The following TET3 variants were observed in gnomAD, a reference collection of about 807,000 sequenced individuals.
TET3 encodes tet methylcytosine dioxygenase 3, also known as methylcytosine dioxygenase TET3.
A neutral mutation model predicts 141.4 loss-of-function variants in TET3; 19 were observed. The observed-to-expected ratio is 0.13, with a 90% CI of 0.09 to 0.20. The LOEUF (loss-of-function observed/expected upper bound fraction) is 0.20. Ranked by LOEUF, TET3 falls within the 10% of genes least tolerant of loss-of-function variation. TET3 has a pLI of 1.00. For synonymous variants in TET3, 1,043 were observed against 980.9 expected (o/e 1.06, Z -1.18); for missense variants, 1,874 against 2,356.9 (o/e 0.80, Z 4.24).
At chr2:74,048,482 C>A in intron 4 of TET3, 71 bp downstream of exon 4, 2 of 1,463,954 alleles carry the variant, frequency 1.4e-6, no homozygotes, top group Non-Finnish European at 1.8e-6. Flanking sequence ...TTTCTAGGCC[C>A]TGCCTTTCAT....
At chr2:74,120,611 G>C in the TET3 span, 1 of 152,516 alleles carries the variant, frequency 6.6e-6, no homozygotes, top group African/African-American at 2.4e-5. Flanking sequence ...AAGGAGCGGG[G>C]CGGCGGCCAC....
In TET3 at chr2:74,046,779, G is replaced by A; in HGVS notation, c.862G>A (p.Gly288Arg). The A allele has an allele frequency of 6.2e-7, 1 of 1,613,538 alleles. No homozygotes were observed. ...ECPDYLEWLEGKIKSVVMEGG... is the reference protein window; with the variant it reads ...ECPDYLEWLERKIKSVVMEGG... ...CCCTGACTACCTCGAGTGGCTGGAGGGGAAGATCAAGTCTGTGGTCATGGA... is the reference window on the plus strand; with the variant it reads ...CCCTGACTACCTCGAGTGGCTGGAGAGGAAGATCAAGTCTGTGGTCATGGA... The change falls in exon 4 of 12, where the codon GGG becomes AGG. Residue 288 changes from glycine to arginine, a missense_variant. Physicochemically the swap from Gly to Arg is moderately radical, Grantham distance 125 (BLOSUM62 -2). Coordinates refer to ENST00000409262, the MANE Select transcript of TET3 (RefSeq NM_001287491.2). The surrounding 1 kb of genome is among the most constrained non-coding windows in gnomAD (Gnocchi z 4.3).
At chr2:74,053,479 G>A (rs1184053638) in intron 4 of TET3, among the ~76,000 whole-genome samples, 9 of 152,220 alleles carry the variant, frequency 5.9e-5, no homozygotes, top group Admixed American at 2.6e-4. Flanking sequence ...GTTTGTAAGC[G>A]TTGTCCTGAT....
intron 5 of TET3, among the ~76,000 whole-genome samples, chr2:74,074,615 C>T (rs538179418): frequency 3.3e-5 from 5 of 152,210 alleles, no homozygotes; most frequent in Non-Finnish European, 7.3e-5. Context: ...CCTGGCCCTG[C>T]CACTCACTGC....
In TET3 at chr2:74,091,856, C is replaced by T. The variant is rs866745489; in HGVS notation, c.3040-1046C>T. On this transcript the variant is annotated intron_variant, in intron 8 of 11. Transcript: ENST00000409262. ...ACCTGGAACTCTCTGCCACATGTCA[C>T]CAGGGGCTGCTGCTTCACATAGAGC... is the stretch of plus-strand genomic sequence containing the variant. Among the ~76,000 whole-genome samples the T allele has an allele frequency of 3.3e-4, 51 of 152,330 alleles. No individual in the cohort carries two copies. In the Middle Eastern group the frequency reaches 0.031, roughly 91 times the overall value.
Position 74,092,927 on chromosome 2 carries a change from A to G in TET3, c.3065A>G (p.Gln1022Arg). ...GAAGAAGTGCTCCGGAAGAGTTTCC[A>G]GGACCTGGCCACCGAAGTCGCTCCC... is the stretch of plus-strand genomic sequence containing the variant. ...KEEEVLRKSFQDLATEVAPLY... is the reference protein window; with the variant it reads ...KEEEVLRKSFRDLATEVAPLY... Residue 1022 changes from glutamine to arginine, a missense_variant, in exon 9 of 12, where the codon CAG becomes CGG. This residue lies in a region of TET3 where 126 missense variants were observed against 327.4 expected (regional missense o/e 0.38). Transcript: ENST00000409262. The G allele has an allele frequency of 6.3e-7, 1 of 1,591,854 alleles. No individual in the cohort carries two copies. The highest frequency in any genetic ancestry group is 8.6e-7 in the Non-Finnish European group (1 of 1,169,372).
chr2:73,997,663 G>A (rs1263186265), intron 2 of TET3, among the ~76,000 whole-genome samples: 1 of 152,216 alleles, frequency 6.6e-6, no homozygotes, highest in Admixed American at 6.5e-5. Flanking sequence ...AGTTTCCCGA[G>A]GCAGGACATC....
At chr2:73,997,532 G>T (rs1684655270) in intron 2 of TET3, among the ~76,000 whole-genome samples, 1 of 152,156 alleles carries the variant, frequency 6.6e-6, no homozygotes, top group African/African-American at 2.4e-5. Flanking sequence ...GGGCCAGTGG[G>T]AGAAGAGCTG....
rs1691234862 is a variant in TET3 at position 74,101,780 on chromosome 2, C to T, written c.4992C>T (p.Leu1664=). The stretch of plus-strand genomic sequence containing the variant: ...TGGCCCCAGCCCACGGCTCCATCCT[C>T]ATCGAGTGTGCCCGGCGGGAGCTGC... ...VAVAPAHGSI[L]IECARRELHA... is the part of the protein sequence containing the mutation. The change falls in exon 12 of 12, where the codon CTC becomes CTT. Residue 1664 remains leucine, a synonymous_variant. Coordinates refer to ENST00000409262, the MANE Select transcript of TET3 (RefSeq NM_001287491.2). The surrounding 1 kb of genome is among the most constrained non-coding windows in gnomAD (Gnocchi z 8.5). 3 of 1,613,174 alleles carry T rather than the reference C, an allele frequency of 1.9e-6. No homozygotes were observed. The highest frequency in any genetic ancestry group is 2.5e-6 in the Non-Finnish European group (3 of 1,179,870).
At chr2:74,033,722 A>C (rs1686875414) in intron 3 of TET3, among the ~76,000 whole-genome samples, 1 of 152,252 alleles carries the variant, frequency 6.6e-6, no homozygotes, top group African/African-American at 2.4e-5. Context: ...AAATGTGTAC[A>C]TACCTTAATT....
At chr2:73,995,790 G>GA (rs1243209569) in intron 2 of TET3, among the ~76,000 whole-genome samples, 1 of 152,152 alleles carries the variant, frequency 6.6e-6, no homozygotes, top group Non-Finnish European at 1.5e-5. Flanking sequence ...TTAGGTTGGG[G>GA]AAATAGCTGT....
chr2:74,124,151 C>A, the TET3 span, among the ~76,000 whole-genome samples: 6 of 152,026 alleles, frequency 3.9e-5, no homozygotes, highest in African/African-American at 1.2e-4. Flanking sequence ...CCGCCAGCCG[C>A]CCCATCTGGG....
At chr2:74,023,203 TATTA>T (rs561839970) in intron 3 of TET3, among the ~76,000 whole-genome samples, 329 of 152,360 alleles carry the variant, frequency 2.2e-3, no homozygotes, top group Admixed American at 5.3e-3. Context: ...TCAGCATTGA[TATTA>T]ATTAATTTTC....
chr2:74,129,769 T>C, the TET3 span, among the ~76,000 whole-genome samples: 1 of 152,148 alleles, frequency 6.6e-6, no homozygotes, highest in Non-Finnish European at 1.5e-5. Context: ...AGTCTGTTGT[T>C]ACACTCACAC....
At chr2:74,007,920 A>G (rs1168697043) in intron 3 of TET3, among the ~76,000 whole-genome samples, 2 of 152,214 alleles carry the variant, frequency 1.3e-5, no homozygotes, top group South Asian at 2.1e-4. Flanking sequence ...AGCACCATCC[A>G]AAGTGGTCTG....
chr2:74,060,571 G>A (rs1163078667), intron 4 of TET3, among the ~76,000 whole-genome samples: 8 of 151,882 alleles, frequency 5.3e-5, no homozygotes, highest in African/African-American at 1.7e-4. Context: ...GTTTCTCGCA[G>A]AGGGGGATTT....
chr2:74,083,649 G>C (rs1445001592), intron 6 of TET3, among the ~76,000 whole-genome samples: 1 of 152,286 alleles, frequency 6.6e-6, no homozygotes, highest in East Asian at 1.9e-4. Context: ...ATCCTGCCAG[G>C]CTCCTTCATA....
At chr2:74,049,991 G>C (rs970916072) in intron 4 of TET3, among the ~76,000 whole-genome samples, 2 of 152,106 alleles carry the variant, frequency 1.3e-5, no homozygotes, top group Non-Finnish European at 2.9e-5. Context: ...AACTTGTTTT[G>C]ATCATGGGGT....
chr2:74,049,129 A>AG (rs1348382398), intron 4 of TET3, among the ~76,000 whole-genome samples: 1 of 152,092 alleles, frequency 6.6e-6, no homozygotes, highest in Non-Finnish European at 1.5e-5. Flanking sequence ...CCGGTGGCAG[A>AG]GGGAGGGGTT....
Sources: allele counts gnomAD v4.1 joint callset (sites outside exome capture counted in the v4.1 genomes callset), GRCh38; gene constraint gnomAD v4.1.1; regional missense constraint gnomAD v4.1.1; non-coding constraint Gnocchi (gnomAD v3.1); transcripts MANE v1.5; gene names NCBI Gene and HGNC (gene_info 2026-07-23, HGNC 2026-07-21).